IPO11: variants seen among roughly 807,000 people sequenced by gnomAD.
IPO11 encodes importin 11.
In IPO11, 66 loss-of-function variants were observed where a neutral mutation model predicts 143.2. That is an observed-to-expected ratio of 0.46 (90% CI 0.38 to 0.57). The LOEUF (loss-of-function observed/expected upper bound fraction) is 0.57, where lower values mean the gene tolerates loss of function less well. Among genes scored for constraint, IPO11 ranks in the 20% least tolerant of loss-of-function variants. The pLI is 0.00. For synonymous variants in IPO11, 385 were observed against 377.8 expected, an observed-to-expected ratio of 1.02 and a Z score of -0.22; for missense variants, 1,026 against 1,141.0, an observed-to-expected ratio of 0.90 and a Z score of 1.45.
intron 27 of IPO11, among the ~76,000 whole-genome samples, chr5:62,585,199 G>A (rs1453431447): frequency 3.9e-5 from 6 of 152,034 alleles, no homozygotes; most frequent in African/African-American, 1.4e-4. Context: ...ACATAAGTTG[G>A]TATTTTTGTC....
intron 28 of IPO11, among the ~76,000 whole-genome samples, chr5:62,593,137 C>T (rs747115985): frequency 2.0e-5 from 3 of 151,628 alleles, no homozygotes; most frequent in Non-Finnish European, 4.4e-5. Flanking sequence ...GTGCAGGGCA[C>T]ACCAAACAGT....
intron 21 of IPO11, chr5:62,526,732 TG>T (rs1465795675): frequency 6.5e-6 from 1 of 153,584 alleles, no homozygotes; most frequent in African/African-American, 2.4e-5. Flanking sequence ...CCTGCTTCTG[TG>T]GCAGCTCGGT....
intron 1 of IPO11, among the ~76,000 whole-genome samples, chr5:62,435,114 A>ATGTATGTATATG (rs1326687822): frequency 2.9e-5 from 3 of 102,310 alleles, no homozygotes; most frequent in African/African-American, 1.4e-4. Context: ...ATATATGTAT[A>ATGTATGTATATG]TATGTATATA....
At chr5:62,494,887 TA>T (rs1393627106) in intron 16 of IPO11, among the ~76,000 whole-genome samples, 5 of 152,112 alleles carry the variant, frequency 3.3e-5, no homozygotes, top group Non-Finnish European at 5.9e-5. Flanking sequence ...AGATCTTTTT[TA>T]ATCATTTCTC....
intron 20 of IPO11, among the ~76,000 whole-genome samples, chr5:62,519,891 A>G (rs1176156419): frequency 1.3e-5 from 2 of 152,190 alleles, no homozygotes; most frequent in Non-Finnish European, 2.9e-5. Flanking sequence ...TTGTAGGACT[A>G]AGGTCCCAGT....
chr5:62,439,513 T>C (rs1324691948), intron 2 of IPO11, among the ~76,000 whole-genome samples: 1 of 151,912 alleles, frequency 6.6e-6, no homozygotes, highest in Non-Finnish European at 1.5e-5. Context: ...GGTCTCAATC[T>C]CTTGGCCTTG....
At chr5:62,435,054 A>ATATG (rs1561308617) in intron 1 of IPO11, among the ~76,000 whole-genome samples, 1 of 108,184 alleles carries the variant, frequency 9.2e-6, no homozygotes, top group Non-Finnish European at 1.9e-5. Context: ...ATATGTGTAT[A>ATATG]TATATATGTA....
intron 11 of IPO11, among the ~76,000 whole-genome samples, chr5:62,484,696 A>G (rs1349907843): frequency 6.6e-6 from 1 of 151,964 alleles, no homozygotes; most frequent in East Asian, 1.9e-4. Flanking sequence ...TATGTGAATT[A>G]CTTAAGCTAT....
intron 29 of IPO11, among the ~76,000 whole-genome samples, chr5:62,621,046 T>C (rs1746345842): frequency 6.6e-6 from 1 of 152,242 alleles, no homozygotes; most frequent in Non-Finnish European, 1.5e-5. Context: ...TAATGGCACT[T>C]ATCATTTCTG....
intron 6 of IPO11, among the ~76,000 whole-genome samples, chr5:62,468,544 C>T (rs1358797728): frequency 6.6e-6 from 1 of 152,178 alleles, no homozygotes; most frequent in Non-Finnish European, 1.5e-5. Context: ...AAATTACAGA[C>T]ATTGGAGAGA....
intron 5 of IPO11, among the ~76,000 whole-genome samples, chr5:62,462,591 T>C (rs1015204781): frequency 4.6e-5 from 7 of 152,136 alleles, no homozygotes; most frequent in African/African-American, 1.7e-4. Context: ...AGTTCAATGG[T>C]ACACTCATAG....
At chr5:62,594,092 G>A (rs748187851) in intron 28 of IPO11, among the ~76,000 whole-genome samples, 2 of 152,144 alleles carry the variant, frequency 1.3e-5, no homozygotes, top group Non-Finnish European at 2.9e-5. Context: ...TCTTAACTGA[G>A]TGAATTGGAA....
intron 22 of IPO11, among the ~76,000 whole-genome samples, chr5:62,534,403 AATAATTC>A (rs1169262859): frequency 6.6e-6 from 1 of 152,202 alleles, no homozygotes; most frequent in Non-Finnish European, 1.5e-5. Flanking sequence ...AACATAATTT[AATAATTC>A]ACTCCCTTTC....
intron 20 of IPO11, among the ~76,000 whole-genome samples, chr5:62,517,868 C>T (rs1742078808): frequency 6.6e-6 from 1 of 152,076 alleles, no homozygotes; most frequent in African/African-American, 2.4e-5. Flanking sequence ...CATTTAAGTA[C>T]CCTGTGTATT....
intron 3 of IPO11, among the ~76,000 whole-genome samples, chr5:62,447,917 G>A (rs1449990128): frequency 2.0e-5 from 3 of 152,078 alleles, no homozygotes; most frequent in Non-Finnish European, 4.4e-5. Context: ...GTTTTGCCAT[G>A]TTGTCCAGGC....
intron 1 of IPO11, among the ~76,000 whole-genome samples, chr5:62,423,678 C>T (rs560588513): frequency 2.0e-5 from 3 of 152,300 alleles, no homozygotes; most frequent in Admixed American, 6.5e-5. Context: ...TTACCTCCCA[C>T]ATACTTCTCT....
At chr5:62,419,119 C>T in intron 1 of IPO11, 2 of 1,549,618 alleles carry the variant, frequency 1.3e-6, no homozygotes, top group South Asian at 1.2e-5. Context: ...AAGCAGTTGT[C>T]ACAAAATGGT....
At chr5:62,566,458 C>T (rs1025983672) in intron 27 of IPO11, among the ~76,000 whole-genome samples, 10 of 151,918 alleles carry the variant, frequency 6.6e-5, no homozygotes, top group African/African-American at 2.4e-4. Context: ...TTTGGCTAGG[C>T]ACAGTGGCTC....
At chr5:62,536,864 A>G (rs1231407163) in intron 23 of IPO11, 83 bp downstream of exon 23, 10 of 1,273,188 alleles carry the variant, frequency 7.9e-6, no homozygotes, top group South Asian at 4.1e-5. Flanking sequence ...TACGTTTTCA[A>G]AATTTTAAGA....
Sources: allele counts gnomAD v4.1 joint callset (sites outside exome capture counted in the v4.1 genomes callset), GRCh38; gene constraint gnomAD v4.1.1; transcripts MANE v1.5; gene names NCBI Gene and HGNC (gene_info 2026-07-23, HGNC 2026-07-21).